The following SLC51A variants were observed in gnomAD, a reference collection of about 807,000 sequenced individuals.
SLC51A encodes the protein solute carrier family 51 member A.
Under a neutral mutation model 34.8 loss-of-function variants are expected in SLC51A, and 22 were observed. The ratio of observed to expected loss-of-function variants is 0.63; its 90% CI spans 0.45 to 0.90. The LOEUF (loss-of-function observed/expected upper bound fraction) is 0.90, where lower values mean the gene tolerates loss of function less well. Among genes scored for constraint, SLC51A ranks in the 40% least tolerant of loss-of-function variants. SLC51A has a pLI of 0.00. For missense variants in SLC51A, 371 were observed against 414.8 expected, an observed-to-expected ratio of 0.89 and a Z score of 0.92; for synonymous variants, 181 against 176.3, an observed-to-expected ratio of 1.03 and a Z score of -0.21.
chr3:196,231,784 T>C (rs919051875), intron 7 of SLC51A, among the ~76,000 whole-genome samples: 1 of 152,214 alleles, frequency 6.6e-6, no homozygotes, highest in African/African-American at 2.4e-5. Flanking sequence ...CTAAGATAAA[T>C]GGTGCTTCCA....
intron 3 of SLC51A, chr3:196,227,375 G>A (rs1723924005): frequency 1.2e-5 from 7 of 591,710 alleles, no homozygotes; most frequent in Middle Eastern, 3.2e-4. Flanking sequence ...CTTGCTCCCC[G>A]CTACAGTGTT....
chr3:196,222,593 C>T (rs995561566), intron 2 of SLC51A, among the ~76,000 whole-genome samples: 3 of 151,092 alleles, frequency 2.0e-5, no homozygotes, highest in East Asian at 1.9e-4. Flanking sequence ...CGAGATCGCG[C>T]CACTGCACCC....
At position 196,228,333 on chromosome 3, in the gene SLC51A, C is replaced by T; in HGVS notation, c.521+60C>T. 3 of 1,552,382 alleles carry T rather than the reference C, an allele frequency of 1.9e-6. No individual in the cohort carries two copies. The highest frequency in any genetic ancestry group is 2.6e-6 in the Non-Finnish European group (3 of 1,154,920). ...GGGGAGCCTCTCCTGGACCCCTGGTCCCCTTCAAGGCTCTGGGAATTAGGC... is the reference window on the plus strand; with the variant it reads ...GGGGAGCCTCTCCTGGACCCCTGGTTCCCTTCAAGGCTCTGGGAATTAGGC... On this transcript the variant is annotated intron_variant, in intron 5 of 8. Transcript: ENST00000296327. The surrounding 1 kb of genome is among the most constrained non-coding windows in gnomAD (Gnocchi z 4.9).
intron 6 of SLC51A, 38 bp from the exon 7 acceptor site, chr3:196,229,877 G>T (rs139129509): frequency 6.5e-7 from 1 of 1,545,640 alleles, no homozygotes. Context: ...GAGAGAGAGA[G>T]CTTGCCTGCC....
intron 4 of SLC51A, 173 bp from the exon 5 acceptor site, chr3:196,227,942 G>A (rs1723938055): frequency 7.0e-6 from 7 of 1,002,214 alleles, no homozygotes; most frequent in Non-Finnish European, 1.0e-5. Flanking sequence ...TGTTCCCACA[G>A]TCTGAAATTC....
intron 2 of SLC51A, among the ~76,000 whole-genome samples, chr3:196,224,653 GCGA>G (rs1471829536): frequency 6.9e-5 from 10 of 145,114 alleles, no homozygotes; most frequent in Admixed American, 2.8e-4. Context: ...TCCAGCCTGT[GCGA>G]CAAGAGTGAA....
intron 2 of SLC51A, among the ~76,000 whole-genome samples, chr3:196,221,738 C>CAG (rs1014312901): frequency 4.0e-5 from 6 of 150,006 alleles, no homozygotes; most frequent in Non-Finnish European, 3.0e-5. Flanking sequence ...TTTTAAGAGA[C>CAG]AGAGTCTCGC....
At chr3:196,217,307 A>C (rs1363901496) in intron 1 of SLC51A, among the ~76,000 whole-genome samples, 1 of 152,218 alleles carries the variant, frequency 6.6e-6, no homozygotes, top group Non-Finnish European at 1.5e-5. Flanking sequence ...GTTTAAGCCC[A>C]GTTCCAGTTT....
intron 2 of SLC51A, among the ~76,000 whole-genome samples, chr3:196,222,785 G>A (rs1401263925): frequency 6.6e-6 from 1 of 151,772 alleles, no homozygotes; most frequent in East Asian, 1.9e-4. Flanking sequence ...TTCTTCAGCT[G>A]TGGAATACTT....
At chr3:196,225,229 T>C (rs576496451) in intron 2 of SLC51A, among the ~76,000 whole-genome samples, 17 of 152,194 alleles carry the variant, frequency 1.1e-4, no homozygotes, top group Admixed American at 5.9e-4. Context: ...CCACCTCAGC[T>C]TCCCAAAGTG....
At chr3:196,224,784 A>G (rs1246752598) in intron 2 of SLC51A, among the ~76,000 whole-genome samples, 1 of 139,950 alleles carries the variant, frequency 7.1e-6, no homozygotes. Flanking sequence ...GGAGGGGAGG[A>G]GAGGAGAGTT....
Position 196,228,733 on chromosome 3 carries a change from C to T in SLC51A, c.522-76C>T. Reference sequence around the variant, plus strand: ...CAGCAGCCGAGCCTCAGCCCAGGAGCCCTGTGAGGAGCCGGGGCGTCTTCC... The same window carrying T: ...CAGCAGCCGAGCCTCAGCCCAGGAGTCCTGTGAGGAGCCGGGGCGTCTTCC... On this transcript the variant is annotated intron_variant, in intron 5 of 8. Transcript: ENST00000296327. The surrounding 1 kb of genome is among the most constrained non-coding windows in gnomAD (Gnocchi z 4.9). 1.6e-6 allele frequency: 2 copies of T among 1,226,712 alleles called. No individual in the cohort carries two copies. Among genetic ancestry groups the T allele is most frequent in the Non-Finnish European group, 2.4e-6 (2 of 828,652 alleles). 76.0% of individuals were successfully genotyped at this position (1,226,712 alleles called of 1,614,324 possible).
chr3:196,232,941 C>T lies in SLC51A; in HGVS notation c.887-122C>T, dbSNP rs543211580. 47 of 1,014,512 alleles carry T rather than the reference C, an allele frequency of 4.6e-5. 1 individual carries two copies. In the South Asian group the frequency reaches 5.5e-4, roughly 12 times the overall value. 62.8% of individuals were successfully genotyped at this position (1,014,512 alleles called of 1,614,324 possible). A position where few individuals can be genotyped will look rare whatever the true frequency, so the allele number is the denominator to read the frequency against. On this transcript the variant is annotated intron_variant, in intron 8 of 8. Coordinates refer to ENST00000296327, the MANE Select transcript of SLC51A (RefSeq NM_152672.6). ...TGTTATTTATGACAATTTCGTATCCCTAAGTCCTGATTTGGGGATAAACTG... is the reference window on the plus strand; with the variant it reads ...TGTTATTTATGACAATTTCGTATCCTTAAGTCCTGATTTGGGGATAAACTG...
chr3:196,218,045 A>C (rs1723642269), intron 2 of SLC51A, 109 bp downstream of exon 2: 1 of 952,140 alleles, frequency 1.1e-6, no homozygotes, highest in African/African-American at 1.6e-5. Flanking sequence ...GCCGGGGAGA[A>C]TAACTGGCCC....
Position 196,228,417 on chromosome 3 carries a change from C to T in SLC51A, c.521+144C>T, listed in dbSNP as rs1560154640. ...GCATCCCACGGCCAGGACCCACGGGCGCCACCCTCAGGGGACAGGGGAGCA... is the reference window on the plus strand; with the variant it reads ...GCATCCCACGGCCAGGACCCACGGGTGCCACCCTCAGGGGACAGGGGAGCA... On this transcript the variant is annotated intron_variant, in intron 5 of 8. Coordinates refer to ENST00000296327, the MANE Select transcript of SLC51A (RefSeq NM_152672.6). This position sits in a 1 kb window ranked among gnomAD's most constrained non-coding sequence, Gnocchi z 4.9. 8 of 1,081,638 alleles carry T rather than the reference C, an allele frequency of 7.4e-6. No individual in the cohort carries two copies. In the South Asian group the frequency reaches 1.2e-4, roughly 16 times the overall value. 67.0% of individuals were successfully genotyped at this position (1,081,638 alleles called of 1,614,324 possible).
intron 2 of SLC51A, 132 bp downstream of exon 2, chr3:196,218,068 C>T (rs912572734): frequency 8.9e-6 from 7 of 789,374 alleles, no homozygotes; most frequent in Non-Finnish European, 1.3e-5. Context: ...TGTCTGTCAT[C>T]GTGGTTAAGG....
chr3:196,229,536 C>A (rs899877928), intron 6 of SLC51A, among the ~76,000 whole-genome samples: 2 of 151,810 alleles, frequency 1.3e-5, no homozygotes, highest in African/African-American at 4.8e-5. Context: ...CACCACCACC[C>A]CCGGCTAATT....
chr3:196,229,142 C>T (rs1723969844), intron 6 of SLC51A, among the ~76,000 whole-genome samples: 1 of 152,172 alleles, frequency 6.6e-6, no homozygotes, highest in Non-Finnish European at 1.5e-5. Flanking sequence ...TCAAAGGAAG[C>T]ACCAGGTGCC....
At chr3:196,217,746 A>G (rs1331649820) in intron 1 of SLC51A, 96 bp from the exon 2 acceptor site, 3 of 911,856 alleles carry the variant, frequency 3.3e-6, no homozygotes, top group Non-Finnish European at 5.1e-6. Flanking sequence ...GGAAATGGAC[A>G]AAGTCCTGCA....
Sources: allele counts gnomAD v4.1 joint callset (sites outside exome capture counted in the v4.1 genomes callset), GRCh38; gene constraint gnomAD v4.1.1; non-coding constraint Gnocchi (gnomAD v3.1); transcripts MANE v1.5; gene names NCBI Gene and HGNC (gene_info 2026-07-23, HGNC 2026-07-21).